CPNE3: variants seen among roughly 807,000 people sequenced by gnomAD.
CPNE3 encodes copine-3.
CPNE3 carries 68 observed loss-of-function variants against 63.9 expected under a neutral mutation model. The ratio of observed to expected loss-of-function variants is 1.06; its 90% CI spans 0.87 to 1.30. CPNE3 has a LOEUF of 1.30. CPNE3 is among the 50% of genes most tolerant of loss of function. The pLI is 0.00. For missense variants in CPNE3, 665 were observed against 578.1 expected, an observed-to-expected ratio of 1.15 and a Z score of -1.54; for synonymous variants, 219 against 197.5, an observed-to-expected ratio of 1.11 and a Z score of -0.91.
chr8:86,515,870 CA>C (rs1820291481), intron 2 of CPNE3, among the ~76,000 whole-genome samples: 1 of 152,034 alleles, frequency 6.6e-6, no homozygotes, highest in Non-Finnish European at 1.5e-5. Context: ...CAGCCAGAGC[CA>C]AACAGAACTT....
intron 2 of CPNE3, among the ~76,000 whole-genome samples, chr8:86,525,938 T>G (rs921760766): frequency 6.6e-5 from 10 of 152,222 alleles, no homozygotes; most frequent in African/African-American, 2.4e-4. Flanking sequence ...GATTCTGTAT[T>G]AGATGCAAAA....
At chr8:86,545,485 G>A (rs952313370) in intron 9 of CPNE3, among the ~76,000 whole-genome samples, 13 of 152,132 alleles carry the variant, frequency 8.5e-5, no homozygotes, top group African/African-American at 1.7e-4. Context: ...ATGAGAATTC[G>A]GTTTGTGGAA....
At chr8:86,521,412 A>G (rs901453374) in intron 2 of CPNE3, among the ~76,000 whole-genome samples, 2 of 152,212 alleles carry the variant, frequency 1.3e-5, no homozygotes, top group African/African-American at 4.8e-5. Context: ...TTGTAATTTT[A>G]AAGTTCCTAT....
chr8:86,541,368 G>A (rs1419043831), intron 8 of CPNE3, among the ~76,000 whole-genome samples: 1 of 152,152 alleles, frequency 6.6e-6, no homozygotes, highest in Admixed American at 6.5e-5. Flanking sequence ...AGAAGTGAAA[G>A]TTTTGTAAAA....
Position 86,540,280 on chromosome 8 carries a change from T to A in CPNE3, c.579T>A (p.Pro193=). ...ACAACTTGAATCCTGTTTGGAGGCC[T>A]TTCAAGATCTCTCTTAACTCACTGT... The part of the protein sequence containing the change: ...VKNNLNPVWR[P]FKISLNSLCY... Residue 193 remains proline (P), a synonymous_variant, in exon 8 of 17, where the codon CCT becomes CCA. Coordinates refer to ENST00000517490, the MANE Select transcript of CPNE3 (RefSeq NM_003909.5). 6.2e-7 allele frequency: 1 copy of A among 1,609,328 alleles called. No individual in the cohort carries two copies. The highest frequency in any genetic ancestry group is 8.5e-7 in the Non-Finnish European group (1 of 1,177,796).
chr8:86,551,222 C>T lies in CPNE3; in HGVS notation c.1108C>T (p.Pro370Ser). The change falls in exon 14 of 17, where the codon CCC (proline) becomes TCC (serine). Residue 370 changes from proline (P) to serine (S), a missense_variant. Coordinates refer to ENST00000517490, the MANE Select transcript of CPNE3 (RefSeq NM_003909.5). ...TCCAATGAACTTCAACCCATCCAAT[C>T]CCTACTGCAATGGTAAGTTAAAAAA... ...EFPMNFNPSNPYCNGIQGIVE... is the reference protein window; with the variant it reads ...EFPMNFNPSNSYCNGIQGIVE... 1 of 1,597,244 alleles carries T rather than the reference C, an allele frequency of 6.3e-7. No individual in the cohort carries two copies. The highest frequency in any genetic ancestry group is 8.6e-7 in the Non-Finnish European group (1 of 1,164,784).
intron 9 of CPNE3, among the ~76,000 whole-genome samples, chr8:86,546,219 AGGAGT>A: frequency 6.6e-6 from 1 of 151,882 alleles, no homozygotes. Flanking sequence ...GGTAACAGCT[AGGAGT>A]AATATTTTAT....
At position 86,528,687 on chromosome 8, in the gene CPNE3, A is replaced by C; in HGVS notation, c.132+10A>C. The C allele has an allele frequency of 6.3e-7, 1 of 1,595,406 alleles. No homozygotes were observed. Among genetic ancestry groups the C allele is most frequent in the South Asian group, 1.1e-5 (1 of 87,754 alleles). ...TCAACAGTGGTATGAGGTAATGTCAAATACTTTACCTAAAAAGTAATCTGA... is the reference window on the plus strand; with the variant it reads ...TCAACAGTGGTATGAGGTAATGTCACATACTTTACCTAAAAAGTAATCTGA... On this transcript the variant is annotated intron_variant, in intron 3 of 16. Transcript: ENST00000517490.
chr8:86,531,658 T>C (rs1820687042), intron 5 of CPNE3, among the ~76,000 whole-genome samples: 1 of 104,624 alleles, frequency 9.6e-6, no homozygotes. Context: ...AATGAACCTA[T>C]AAACTCTTTA....
chr8:86,540,155 A>G lies in CPNE3; in HGVS notation c.544-90A>G, dbSNP rs897913576. On this transcript the variant is annotated intron_variant, in intron 7 of 16. Coordinates refer to ENST00000517490, the MANE Select transcript of CPNE3 (RefSeq NM_003909.5). ...ATGAAGAGGTGGAGGACGAATGGTG[A>G]GAGTATAGCAAGAACCTAGGAAGGG... The G allele has an allele frequency of 1.6e-5, 12 of 768,244 alleles. No homozygotes were observed. In the African/African-American group the frequency reaches 1.9e-4, roughly 12 times the overall value. 47.6% of individuals were successfully genotyped at this position (768,244 alleles called of 1,614,324 possible). A position where few individuals can be genotyped will look rare whatever the true frequency, so the allele number is the denominator to read the frequency against.
At chr8:86,546,190 T>C (rs1821046613) in intron 9 of CPNE3, among the ~76,000 whole-genome samples, 1 of 152,104 alleles carries the variant, frequency 6.6e-6, no homozygotes, top group Non-Finnish European at 1.5e-5. Flanking sequence ...CTTTGCAGCA[T>C]ATTTTCGTTC....
rs754916968 is a variant in CPNE3, at chr8:86,558,358, C to T, written c.1562C>T (p.Thr521Ile). Residue 521 changes from threonine (T) to isoleucine (I), a missense_variant, in exon 17 of 17, where the codon ACA becomes ATA. Physicochemically the swap from Thr to Ile is moderately conservative, Grantham distance 89. Coordinates refer to ENST00000517490, the MANE Select transcript of CPNE3 (RefSeq NM_003909.5). ...IPQQVVGYFN[T>I]YKLLPPKNPA... is the part of the protein sequence containing the mutation. ...CAGCAGGTGGTGGGCTACTTCAATA[C>T]ATACAAACTCCTTCCTCCCAAGAAC... is the stretch of plus-strand genomic sequence containing the variant. 2 of 872,870 alleles carry T rather than the reference C, an allele frequency of 2.3e-6. No homozygotes were observed. The highest frequency in any genetic ancestry group is 4.0e-6 in the Non-Finnish European group (2 of 501,692). 54.1% of individuals were successfully genotyped at this position (872,870 alleles called of 1,614,324 possible).
chr8:86,548,474 C>A (rs1180029325), intron 12 of CPNE3, 40 bp downstream of exon 12: 1 of 1,611,898 alleles, frequency 6.2e-7, no homozygotes. Context: ...CATGTTTTCA[C>A]AATTCCCCAG....
intron 10 of CPNE3, 104 bp from the exon 11 acceptor site, chr8:86,547,607 A>T (rs544903714): frequency 2.9e-6 from 2 of 685,118 alleles, no homozygotes; most frequent in East Asian, 5.5e-5. Context: ...TGTTTATATC[A>T]TGTCCTGTTC....
chr8:86,531,172 GC>G lies in CPNE3; in HGVS notation c.331del (p.Leu111Ter), dbSNP rs769219061. On this transcript the variant is annotated frameshift_variant, in exon 5 of 17. Coordinates refer to ENST00000517490, the MANE Select transcript of CPNE3 (RefSeq NM_003909.5). LOFTEE classifies it high-confidence loss of function. Reference protein sequence around the residue: ...TLGQIVSSKKLTRPLVMKTGR... With the variant: ...TLGQIVSSKKXTRPLVMKTGR... ...TCTAACAGATTGTTTCCAGCAAGAA[GC>G]TAACTCGACCACTGGTGATGAAAAC... is the stretch of plus-strand genomic sequence containing the variant. The G allele has an allele frequency of 4.4e-5, 56 of 1,265,958 alleles. No individual in the cohort carries two copies. The Admixed American group carries it at 8.9e-4, about 20-fold the overall frequency. 78.4% of individuals were successfully genotyped at this position (1,265,958 alleles called of 1,614,324 possible).
At position 86,559,860 on chromosome 8, in the gene CPNE3, A is replaced by C. The variant is rs558660037; in HGVS notation, c.*1450A>C. 2.0e-4 allele frequency: 31 copies of C among 152,302 alleles called. No individual in the cohort carries two copies. The highest frequency in any genetic ancestry group is 7.0e-4 in the African/African-American group (29 of 41,574). The allele number at this position is 152,302 out of a possible 1,614,324, so 9.4% of individuals were successfully genotyped here. ...AGTGGACACATACAGTGCCATGTTG[A>C]TGTGCCTCTCAGTTTTATTGAAAAG... is the stretch of plus-strand genomic sequence containing the variant. On this transcript the variant is annotated 3_prime_UTR_variant, in exon 17 of 17. Coordinates refer to ENST00000517490, the MANE Select transcript of CPNE3 (RefSeq NM_003909.5).
chr8:86,526,100 G>A (rs1045741219), intron 2 of CPNE3, among the ~76,000 whole-genome samples: 5 of 152,110 alleles, frequency 3.3e-5, no homozygotes, highest in Non-Finnish European at 7.3e-5. Context: ...GCGGTGGCGG[G>A]CACCTGAAAT....
At chr8:86,537,519 T>C in intron 6 of CPNE3, 44 bp from the exon 7 acceptor site, 1 of 1,207,568 alleles carries the variant, frequency 8.3e-7, no homozygotes, top group Non-Finnish European at 1.2e-6. Context: ...GTTTCATGGG[T>C]TCAGAGGAGA....
chr8:86,532,671 A>T lies in CPNE3; in HGVS notation c.459+91A>T. ...TGCAGTTAATATCATGAACTCCATC[A>T]TTGAGCATCACATAGGGTACTAGTT... On this transcript the variant is annotated intron_variant, in intron 6 of 16. Coordinates refer to ENST00000517490, the MANE Select transcript of CPNE3 (RefSeq NM_003909.5). The T allele has an allele frequency of 4.6e-6, 5 of 1,091,476 alleles. No individual in the cohort carries two copies. In the South Asian group the frequency reaches 5.6e-5, roughly 12 times the overall value. The allele number at this position is 1,091,476 out of a possible 1,614,324, so 67.6% of individuals were successfully genotyped here.
Sources: allele counts gnomAD v4.1 joint callset (sites outside exome capture counted in the v4.1 genomes callset), GRCh38; gene constraint gnomAD v4.1.1; transcripts MANE v1.5; gene names NCBI Gene and HGNC (gene_info 2026-07-23, HGNC 2026-07-21).